Variants in TTLL1 observed in about 807,000 individuals in gnomAD.
TTLL1 encodes the protein TTL family tubulin polyglutamylase complex subunit L1.
A neutral mutation model predicts 47.8 loss-of-function variants in TTLL1; 33 were observed. The ratio of observed to expected loss-of-function variants is 0.69; its 90% CI spans 0.52 to 0.92. The LOEUF (loss-of-function observed/expected upper bound fraction) is 0.92. Among genes scored for constraint, TTLL1 ranks in the 40% least tolerant of loss-of-function variants. The pLI is 0.00. For missense variants in TTLL1, 488 were observed against 547.5 expected (o/e 0.89, Z 1.08); for synonymous variants, 225 against 214.1 (o/e 1.05, Z -0.45).
At position 43,044,624 on chromosome 22, in the gene TTLL1, G is replaced by A. The variant is rs558886195; in HGVS notation, c.1142+1786C>T. Among the ~76,000 whole-genome samples, 18 of 152,138 alleles carry A rather than the reference G, an allele frequency of 1.2e-4. No homozygotes were observed. The East Asian group carries it at 2.3e-3, about 20-fold the overall frequency. ...ACCTACTCCTCCGCCTTTTACTGCCGTCTGCTTCCCTCTCTTCTCCACGCC... is the reference window on the plus strand; with the variant it reads ...ACCTACTCCTCCGCCTTTTACTGCCATCTGCTTCCCTCTCTTCTCCACGCC... On this transcript the variant is annotated intron_variant, in intron 10 of 10. Transcript: ENST00000266254.
intron 7 of TTLL1, among the ~76,000 whole-genome samples, chr22:43,062,085 G>A (rs1421230867): frequency 6.6e-6 from 1 of 152,144 alleles, no homozygotes. Context: ...CTATCACTGT[G>A]TCCTGGGCAC....
chr22:43,071,821 G>A (rs1928142849), intron 3 of TTLL1, among the ~76,000 whole-genome samples: 1 of 152,204 alleles, frequency 6.6e-6, no homozygotes, highest in Admixed American at 6.5e-5. Flanking sequence ...CAGCCGATGG[G>A]ATGAGCTGGG....
rs1225694777 is a variant in TTLL1 at position 43,068,484 on chromosome 22, G to A, written c.429C>T (p.Ala143=). ...TGATAAGGAAGATGCCCTTTCCCTG[G>A]GCCTTGCCACAAGGCTTCATGATCC... The part of the protein sequence containing the change: ...STWIMKPCGK[A]QGKGIFLINK... The change falls in exon 5 of 11, where the codon GCC becomes GCT. Residue 143 remains alanine (A), a synonymous_variant. Coordinates refer to ENST00000266254, the MANE Select transcript of TTLL1 (RefSeq NM_012263.5). 1.5e-5 allele frequency: 23 copies of A among 1,580,816 alleles called. No individual in the cohort carries two copies. Among genetic ancestry groups the A allele is most frequent in the Non-Finnish European group, 2.0e-5 (23 of 1,155,230 alleles).
In TTLL1 at chr22:43,039,881, A is replaced by G; in HGVS notation, c.1167T>C (p.Gly389=). 6.2e-7 allele frequency: 1 copy of G among 1,613,646 alleles called. No individual in the cohort carries two copies. Among genetic ancestry groups the G allele is most frequent in the Non-Finnish European group, 8.5e-7 (1 of 1,179,944 alleles). ...TTCTCAGCTCCCGGTCAGCCCCGTC[A>G]CCCTGGGCCAATTCTTCATCATACC... ...EILYDEELAQ[G]DGADRELRSR... Residue 389 remains glycine (G), a synonymous_variant, in exon 11 of 11, where the codon GGT becomes GGC. Transcript: ENST00000266254.
intron 1 of TTLL1, among the ~76,000 whole-genome samples, chr22:43,084,544 C>G (rs904833066): frequency 6.6e-6 from 1 of 152,062 alleles, no homozygotes; most frequent in Non-Finnish European, 1.5e-5. Flanking sequence ...CTCAATCGCC[C>G]AGGCTGGAGT....
intron 2 of TTLL1, among the ~76,000 whole-genome samples, chr22:43,077,424 G>A (rs1201014088): frequency 6.6e-6 from 1 of 152,158 alleles, no homozygotes; most frequent in Non-Finnish European, 1.5e-5. Context: ...CAAACAAGGT[G>A]CTGTACCCCT....
chr22:43,054,811 C>T (rs1337954196), intron 8 of TTLL1, among the ~76,000 whole-genome samples: 8 of 150,348 alleles, frequency 5.3e-5, no homozygotes, highest in Admixed American at 2.7e-4. Flanking sequence ...CTGCAAGCTC[C>T]GCCTCCCGGG....
chr22:43,055,478 T>A (rs969468688), intron 8 of TTLL1, among the ~76,000 whole-genome samples: 1 of 152,060 alleles, frequency 6.6e-6, no homozygotes, highest in African/African-American at 2.4e-5. Context: ...ACTATAGGCA[T>A]GCACCACCAT....
intron 7 of TTLL1, among the ~76,000 whole-genome samples, chr22:43,062,726 G>T (rs917797631): frequency 8.6e-5 from 13 of 152,038 alleles, no homozygotes; most frequent in Admixed American, 8.5e-4. Context: ...CTCCTCAGGA[G>T]GCTGAGGCAG....
intron 6 of TTLL1, 26 bp from the exon 7 acceptor site, chr22:43,063,947 A>C: frequency 6.2e-7 from 1 of 1,604,190 alleles, no homozygotes; most frequent in South Asian, 1.1e-5. Flanking sequence ...GATTAATTCA[A>C]ACTCTGAGGA....
intron 3 of TTLL1, among the ~76,000 whole-genome samples, chr22:43,070,426 C>G (rs988695988): frequency 6.6e-6 from 1 of 152,130 alleles, no homozygotes. Context: ...CCCAGAGAAG[C>G]AGGGAAGGGG....
At chr22:43,063,295 C>T (rs1348673314) in intron 7 of TTLL1, among the ~76,000 whole-genome samples, 1 of 152,168 alleles carries the variant, frequency 6.6e-6, no homozygotes, top group Non-Finnish European at 1.5e-5. Flanking sequence ...CAGGTGCCCC[C>T]ACCCAGCCAC....
chr22:43,044,054 C>T (rs1269443998), intron 10 of TTLL1, among the ~76,000 whole-genome samples: 1 of 152,138 alleles, frequency 6.6e-6, no homozygotes, highest in Non-Finnish European at 1.5e-5. Context: ...GCCCCTTCTC[C>T]TCCCAGCCCA....
intron 1 of TTLL1, among the ~76,000 whole-genome samples, chr22:43,085,372 G>A (rs765303721): frequency 6.6e-5 from 10 of 152,178 alleles, no homozygotes; most frequent in African/African-American, 9.7e-5. Flanking sequence ...CTCATGTGAT[G>A]CCCAAAGGCA....
At chr22:43,046,334 A>G in intron 10 of TTLL1, 76 bp downstream of exon 10, 1 of 1,561,298 alleles carries the variant, frequency 6.4e-7, no homozygotes, top group Non-Finnish European at 8.8e-7. Flanking sequence ...ACATATGCCC[A>G]GAAATCCAAG....
chr22:43,053,540 G>A lies in TTLL1; in HGVS notation c.892-1653C>T, dbSNP rs913302214. On this transcript the variant is annotated intron_variant, in intron 8 of 10. Coordinates refer to ENST00000266254, the MANE Select transcript of TTLL1 (RefSeq NM_012263.5). ...GCCCTGAGCAGGCTGCCTGCATTGC[G>A]TAGCTCTCAGTGTCTCTGTCCAGTC... Among the ~76,000 whole-genome samples, 9 of 152,210 alleles carry A rather than the reference G, an allele frequency of 5.9e-5. 2 individuals carry two copies. Among genetic ancestry groups the A allele is most frequent in the South Asian group, 2.1e-4 (1 of 4,818 alleles).
rs1400269950 is a variant in TTLL1, at chr22:43,039,677, T to G, written c.*99A>C. ...AAGTGCCTTCGTTTATTTACAGGGC[T>G]TAGGAAAGGAAAAAAGCTCTACAAA... On this transcript the variant is annotated 3_prime_UTR_variant, in exon 11 of 11. Transcript: ENST00000266254. The G allele has an allele frequency of 7.0e-7, 1 of 1,438,512 alleles. No homozygotes were observed. Among genetic ancestry groups the G allele is most frequent in the Non-Finnish European group, 9.2e-7 (1 of 1,084,442 alleles). 89.1% of individuals were successfully genotyped at this position (1,438,512 alleles called of 1,614,324 possible). A position where few individuals can be genotyped will look rare whatever the true frequency, so the allele number is the denominator to read the frequency against.
intron 1 of TTLL1, among the ~76,000 whole-genome samples, chr22:43,088,680 T>C (rs144194166): frequency 2.8e-4 from 43 of 152,174 alleles, no homozygotes; most frequent in Non-Finnish European, 4.7e-4. Context: ...CCCGGCACCA[T>C]AATGTGCTCA....
At chr22:43,061,753 G>A (rs896181041) in intron 7 of TTLL1, among the ~76,000 whole-genome samples, 32 of 152,020 alleles carry the variant, frequency 2.1e-4, no homozygotes, top group Non-Finnish European at 3.7e-4. Flanking sequence ...CTACCCTGGC[G>A]TCCTTTCAGC....
Sources: allele counts gnomAD v4.1 joint callset (sites outside exome capture counted in the v4.1 genomes callset), GRCh38; gene constraint gnomAD v4.1.1; transcripts MANE v1.5; gene names NCBI Gene and HGNC (gene_info 2026-07-23, HGNC 2026-07-21).